Variants in SCN1A observed in about 807,000 individuals in gnomAD.
The protein encoded by SCN1A is sodium voltage-gated channel alpha subunit 1.
Under a neutral mutation model 193.7 loss-of-function variants are expected in SCN1A, and 13 were observed. That is an observed-to-expected ratio of 0.07 (90% CI 0.04 to 0.11). The LOEUF (loss-of-function observed/expected upper bound fraction) is 0.11. Ranked by LOEUF, SCN1A falls within the 10% of genes least tolerant of loss-of-function variation. The probability of loss-of-function intolerance (pLI) is 1.00; values close to 1 mark genes in which losing one functional copy is unlikely to be tolerated. For synonymous variants in SCN1A, 781 were observed against 843.6 expected (o/e 0.93, Z 1.29); for missense variants, 1,432 against 2,451.1 (o/e 0.58, Z 8.78).
intron 2 of SCN1A, among the ~76,000 whole-genome samples, chr2:166,110,954 T>C (rs985070447): frequency 4.6e-5 from 7 of 152,280 alleles, no homozygotes; most frequent in Middle Eastern, 3.4e-3. Context: ...TGCTCCTCCT[T>C]CATCTTCCAC....
chr2:166,106,019 C>G (rs182017155), intron 2 of SCN1A, among the ~76,000 whole-genome samples: 6 of 152,178 alleles, frequency 3.9e-5, no homozygotes, highest in East Asian at 1.9e-4. Flanking sequence ...AAACCCGTCT[C>G]TACTAAAAAT....
chr2:166,093,544 C>T (rs779251634), intron 2 of SCN1A, among the ~76,000 whole-genome samples: 4 of 152,052 alleles, frequency 2.6e-5, no homozygotes, highest in African/African-American at 9.7e-5. Context: ...GGGGTTTCAC[C>T]GTGTTAGCTA....
At chr2:166,135,479 G>C (rs767011260) in intron 1 of SCN1A, among the ~76,000 whole-genome samples, 2 of 152,142 alleles carry the variant, frequency 1.3e-5, no homozygotes, top group Admixed American at 6.5e-5. Context: ...AAAGCCATCT[G>C]TAAAGTATAC....
chr2:166,125,284 C>T (rs775004665), intron 2 of SCN1A, among the ~76,000 whole-genome samples: 2 of 152,160 alleles, frequency 1.3e-5, no homozygotes, highest in Non-Finnish European at 2.9e-5. Context: ...TCCCACCCTC[C>T]CCATTCTGAG....
chr2:166,056,943 A>G (rs1350032012), intron 5 of SCN1A, among the ~76,000 whole-genome samples: 1 of 152,028 alleles, frequency 6.6e-6, no homozygotes, highest in Non-Finnish European at 1.5e-5. Flanking sequence ...TCTTAAACAC[A>G]TCTTATCCAA....
chr2:166,040,737 A>C (rs1697063858), intron 16 of SCN1A, among the ~76,000 whole-genome samples: 1 of 152,196 alleles, frequency 6.6e-6, no homozygotes, highest in South Asian at 2.1e-4. Flanking sequence ...AATGTACTGG[A>C]AGTTTTCAAT....
chr2:166,058,417 A>T (rs903255072), intron 5 of SCN1A, 153 bp downstream of exon 5: 1 of 517,678 alleles, frequency 1.9e-6, no homozygotes, highest in Non-Finnish European at 3.5e-6. Context: ...TGATTAATGA[A>T]CTTTAAGAAT....
intron 1 of SCN1A, among the ~76,000 whole-genome samples, chr2:166,140,917 G>T (rs1265602774): frequency 6.6e-6 from 1 of 152,078 alleles, no homozygotes; most frequent in African/African-American, 2.4e-5. Context: ...CACTTCTTGG[G>T]AGCTTGTTGA....
chr2:166,055,227 G>T (rs1479591835), intron 6 of SCN1A, among the ~76,000 whole-genome samples: 2 of 150,318 alleles, frequency 1.3e-5, no homozygotes, highest in Non-Finnish European at 1.5e-5. Context: ...TAACTTGCTT[G>T]GAACAAGGAC....
At chr2:166,130,048 G>A (rs1359877511), upstream of SCN1A, among the ~76,000 whole-genome samples, 1 of 152,114 alleles carries the variant, frequency 6.6e-6, no homozygotes, top group African/African-American at 2.4e-5. Flanking sequence ...AGATGTGGAG[G>A]AAGAAGTGAC....
intron 25 of SCN1A, 29 bp from the exon 26 acceptor site, chr2:165,998,204 TTACCA>T: frequency 2.5e-6 from 4 of 1,582,348 alleles, no homozygotes; most frequent in Non-Finnish European, 3.5e-6. Context: ...TTGTAAAATA[TTACCA>T]TACATTTTAG....
At chr2:166,084,275 A>C (rs1233851951) in intron 2 of SCN1A, among the ~76,000 whole-genome samples, 3 of 109,180 alleles carry the variant, frequency 2.7e-5, no homozygotes, top group Admixed American at 2.6e-4. Context: ...TCCTCTCCCC[A>C]CCCCTTCCCA....
At chr2:166,102,298 C>T (rs1434506498) in intron 2 of SCN1A, among the ~76,000 whole-genome samples, 1 of 151,936 alleles carries the variant, frequency 6.6e-6, no homozygotes, top group Non-Finnish European at 1.5e-5. Context: ...ATATCGAGAC[C>T]ATCCTGACTA....
At chr2:165,996,248 T>C in intron 26 of SCN1A, 131 bp from the exon 27 acceptor site, 1 of 600,200 alleles carries the variant, frequency 1.7e-6, no homozygotes, top group East Asian at 3.0e-5. Context: ...ATATCTGGGA[T>C]TTAAAATGTA....
intron 24 of SCN1A, among the ~76,000 whole-genome samples, chr2:166,001,108 C>T (rs888437273): frequency 6.6e-6 from 1 of 151,398 alleles, no homozygotes; most frequent in Non-Finnish European, 1.5e-5. Flanking sequence ...CATCATGTGT[C>T]GACAATTTTT....
chr2:166,037,791 C>T lies in SCN1A; in HGVS notation c.2931G>A (p.Val977=). 6.2e-7 allele frequency: 1 copy of T among 1,614,130 alleles called. No homozygotes were observed. Among genetic ancestry groups the T allele is most frequent in the Middle Eastern group, 1.6e-4 (1 of 6,062 alleles). Residue 977 remains valine, a synonymous_variant, in exon 18 of 29, where the codon GTG becomes GTA. Transcript: ENST00000674923. ...GGGTACATACCACTAGGTTTCCAATCACCATGACCATCATGAAGACAGTAA... is the reference window on the plus strand; with the variant it reads ...GGGTACATACCACTAGGTTTCCAATTACCATGACCATCATGAAGACAGTAA... ...MCLTVFMMVM[V]IGNLVVLNLF... is the part of the protein sequence containing the mutation.
At chr2:166,132,575 T>C (rs1263289566), upstream of SCN1A, among the ~76,000 whole-genome samples, 1 of 152,180 alleles carries the variant, frequency 6.6e-6, no homozygotes, top group Non-Finnish European at 1.5e-5. Context: ...AATGTGAAAT[T>C]TATTTGCTAT....
At chr2:166,087,734 A>T (rs191792206) in intron 2 of SCN1A, among the ~76,000 whole-genome samples, 37 of 152,342 alleles carry the variant, frequency 2.4e-4, no homozygotes, top group Admixed American at 8.5e-4. Context: ...TGGTCTATAC[A>T]GTCAATTTTG....
At chr2:166,065,768 CCA>C (rs965088998) in intron 4 of SCN1A, among the ~76,000 whole-genome samples, 2 of 151,998 alleles carry the variant, frequency 1.3e-5, no homozygotes, top group Non-Finnish European at 2.9e-5. Context: ...ACTAAAATGC[CCA>C]CAGAGGCTAA....
Sources: gnomAD v4.1 joint callset for allele counts (sites outside exome capture counted in the v4.1 genomes callset) on GRCh38, gnomAD v4.1.1 for gene constraint, MANE v1.5 for transcripts, NCBI Gene and HGNC (gene_info 2026-07-23, HGNC 2026-07-21) for gene names.